The following MIPEP variants were observed in gnomAD, a reference collection of about 807,000 sequenced individuals.
MIPEP encodes the protein mitochondrial intermediate peptidase.
Under a neutral mutation model 90.3 loss-of-function variants are expected in MIPEP, and 79 were observed. The ratio of observed to expected loss-of-function variants is 0.87; its 90% confidence interval spans 0.73 to 1.05. The LOEUF is 1.05. Among genes scored for constraint, MIPEP ranks in the 50% least tolerant of loss-of-function variants. The probability of loss-of-function intolerance (pLI) is 0.00; values close to 1 mark genes in which losing one functional copy is unlikely to be tolerated. For synonymous variants in MIPEP, 334 were observed against 315.8 expected, an observed-to-expected ratio of 1.06 and a Z score of -0.61; for missense variants, 940 against 905.6, an observed-to-expected ratio of 1.04 and a Z score of -0.49.
At chr13:23,837,336 A>AT (rs754474425) in intron 13 of MIPEP, among the ~76,000 whole-genome samples, 1 of 152,222 alleles carries the variant, frequency 6.6e-6, no homozygotes, top group Non-Finnish European at 1.5e-5. Flanking sequence ...GACAACTGAG[A>AT]TTATTCCCTG....
intron 18 of MIPEP, among the ~76,000 whole-genome samples, chr13:23,755,745 A>G (rs896817051): frequency 3.9e-5 from 6 of 152,246 alleles, no homozygotes; most frequent in Non-Finnish European, 5.9e-5. Flanking sequence ...CAAATAAAAA[A>G]TTACTGAGAA....
At chr13:23,766,821 C>A (rs1952595254) in intron 16 of MIPEP, among the ~76,000 whole-genome samples, 1 of 152,244 alleles carries the variant, frequency 6.6e-6, no homozygotes, top group African/African-American at 2.4e-5. Flanking sequence ...TTGTGGAATC[C>A]CCTGCCTTAA....
At chr13:23,866,375 A>G (rs551241001) in intron 7 of MIPEP, among the ~76,000 whole-genome samples, 44 of 152,262 alleles carry the variant, frequency 2.9e-4, no homozygotes, top group African/African-American at 1.0e-3. Flanking sequence ...TGTGCACAAC[A>G]GCCCCCTGCC....
intron 10 of MIPEP, among the ~76,000 whole-genome samples, chr13:23,854,459 G>A (rs1016985697): frequency 1.3e-5 from 2 of 152,046 alleles, no homozygotes; most frequent in African/African-American, 4.8e-5. Context: ...CCTTCTGTGA[G>A]AGCCCATTTT....
At chr13:23,793,491 C>A (rs1039415485) in intron 16 of MIPEP, among the ~76,000 whole-genome samples, 1 of 151,812 alleles carries the variant, frequency 6.6e-6, no homozygotes, top group Non-Finnish European at 1.5e-5. Context: ...GTTCATGGAG[C>A]TATAAATTAA....
At chr13:23,748,287 A>G (rs539829018) in intron 18 of MIPEP, among the ~76,000 whole-genome samples, 1 of 152,134 alleles carries the variant, frequency 6.6e-6, no homozygotes, top group Admixed American at 6.5e-5. Flanking sequence ...CATTGCACAA[A>G]TATTTATTGA....
intron 18 of MIPEP, among the ~76,000 whole-genome samples, chr13:23,745,115 G>A (rs971350544): frequency 2.0e-5 from 3 of 152,174 alleles, no homozygotes; most frequent in African/African-American, 7.2e-5. Context: ...TCTAACTTAT[G>A]TGATGGGTCA....
chr13:23,745,025 CT>C (rs1278292288), intron 18 of MIPEP, among the ~76,000 whole-genome samples: 3 of 152,146 alleles, frequency 2.0e-5, no homozygotes, highest in African/African-American at 7.2e-5. Flanking sequence ...GGCCTTCCTC[CT>C]GACCCTAAAG....
intron 17 of MIPEP, among the ~76,000 whole-genome samples, chr13:23,758,071 T>C (rs1175963526): frequency 6.6e-6 from 1 of 152,174 alleles, no homozygotes; most frequent in East Asian, 1.9e-4. Context: ...CTAGCCCTGG[T>C]CACATCCTGA....
At chr13:23,879,151 C>T in intron 4 of MIPEP, 117 bp downstream of exon 4, 6 of 694,344 alleles carry the variant, frequency 8.6e-6, no homozygotes, top group South Asian at 5.4e-5. Context: ...CATAGAGATA[C>T]CTGGGGAGGA....
chr13:23,787,277 G>T (rs1347109550), intron 16 of MIPEP, among the ~76,000 whole-genome samples: 1 of 152,220 alleles, frequency 6.6e-6, no homozygotes, highest in Non-Finnish European at 1.5e-5. Flanking sequence ...GGAAGTGCAA[G>T]AATCCAGGCA....
intron 18 of MIPEP, among the ~76,000 whole-genome samples, chr13:23,746,132 A>C (rs1363935105): frequency 2.7e-5 from 4 of 146,650 alleles, no homozygotes; most frequent in African/African-American, 1.0e-4. Context: ...CTCCTGCCTC[A>C]GCCTCCCGAG....
At chr13:23,867,655 T>C (rs1052521213) in intron 7 of MIPEP, among the ~76,000 whole-genome samples, 7 of 152,188 alleles carry the variant, frequency 4.6e-5, no homozygotes, top group Admixed American at 6.5e-5. Context: ...GAATAATATC[T>C]GACATACAGT....
At position 23,841,502 on chromosome 13, in the gene MIPEP, G is replaced by T; in HGVS notation, c.1107-14C>A. 1 of 1,587,798 alleles carries T rather than the reference G, an allele frequency of 6.3e-7. No homozygotes were observed. Among genetic ancestry groups the T allele is most frequent in the Non-Finnish European group, 8.5e-7 (1 of 1,171,430 alleles). On this transcript the variant is annotated splice_polypyrimidine_tract_variant and intron_variant, in intron 10 of 18. Transcript: ENST00000382172. ...TCAATATTATACCTAAGAGAAGGAA[G>T]AGAGGTTCAACAGCATCTTTGTTTA...
At chr13:23,889,015 G>A in intron 1 of MIPEP, 117 bp downstream of exon 1, 1 of 974,354 alleles carries the variant, frequency 1.0e-6, no homozygotes, top group Non-Finnish European at 1.4e-6. Context: ...GTAAAAGGTG[G>A]GTTCGCTGCT....
At chr13:23,812,202 G>A (rs1431898356) in intron 14 of MIPEP, among the ~76,000 whole-genome samples, 1 of 151,968 alleles carries the variant, frequency 6.6e-6, no homozygotes, top group Non-Finnish European at 1.5e-5. Flanking sequence ...CGCGTGCAGG[G>A]AAGAAAAGGC....
intron 14 of MIPEP, among the ~76,000 whole-genome samples, chr13:23,817,099 GT>G (rs1259167780): frequency 3.3e-5 from 5 of 152,170 alleles, no homozygotes; most frequent in African/African-American, 9.7e-5. Flanking sequence ...AGGAAGGTTG[GT>G]TGCCAGCACT....
chr13:23,798,124 T>A (rs544660608), intron 16 of MIPEP, among the ~76,000 whole-genome samples: 14 of 152,352 alleles, frequency 9.2e-5, no homozygotes, highest in African/African-American at 3.4e-4. Context: ...TTATTAAAAA[T>A]TTGTAGTTAT....
Position 23,736,457 on chromosome 13 carries a change from G to A in MIPEP, c.2045-6012C>T, listed in dbSNP as rs199755879. 1.8e-4 allele frequency among the ~76,000 whole-genome samples: 27 copies of A among 152,248 alleles called. No homozygotes were observed. The East Asian group carries it at 3.7e-3, about 21-fold the overall frequency. On this transcript the variant is annotated intron_variant, in intron 18 of 18. Coordinates refer to ENST00000382172, the MANE Select transcript of MIPEP (RefSeq NM_005932.4). ...GAGACAAATGGGCTAAGAAAAGATG[G>A]TACAAGCCAGAACATTTTTGTTCTG...
Sources: allele counts gnomAD v4.1 joint callset (sites outside exome capture counted in the v4.1 genomes callset), GRCh38; gene constraint gnomAD v4.1.1; transcripts MANE v1.5; gene names NCBI Gene and HGNC (gene_info 2026-07-23, HGNC 2026-07-21).